Variants in ILRUN observed in about 807,000 individuals in gnomAD.
The protein encoded by ILRUN is inflammation and lipid regulator with UBA-like and NBR1-like domains.
A neutral mutation model predicts 33.8 loss-of-function variants in ILRUN; 3 were observed. The ratio of observed to expected loss-of-function variants is 0.09; its 90% CI spans 0.04 to 0.23. The LOEUF is 0.23. ILRUN is among the 10% of genes least tolerant of loss of function. The pLI is 1.00. For missense variants in ILRUN, 210 were observed against 375.1 expected, an observed-to-expected ratio of 0.56 and a Z score of 3.64; for synonymous variants, 124 against 138.9, an observed-to-expected ratio of 0.89 and a Z score of 0.75.
At chr6:34,614,576 CAG>C (rs1193521274) in intron 3 of ILRUN, among the ~76,000 whole-genome samples, 2 of 149,128 alleles carry the variant, frequency 1.3e-5, no homozygotes, top group East Asian at 3.9e-4. Context: ...AACTTCCTAA[CAG>C]AGGAATTCCA....
intron 1 of ILRUN, among the ~76,000 whole-genome samples, chr6:34,665,292 CAAAAAAA>C (rs60761039): frequency 2.2e-4 from 17 of 76,422 alleles, no homozygotes; most frequent in African/African-American, 3.6e-4. Context: ...CCCTTTTCTA[CAAAAAAA>C]AAAAAAAAAA....
intron 3 of ILRUN, among the ~76,000 whole-genome samples, chr6:34,621,864 A>AC (rs1562005998): frequency 6.6e-6 from 1 of 151,852 alleles, no homozygotes; most frequent in Non-Finnish European, 1.5e-5. Context: ...TCCAGCTCAA[A>AC]AAAAAAACTA....
At chr6:34,595,603 C>T in intron 4 of ILRUN, 1 of 254,532 alleles carries the variant, frequency 3.9e-6, no homozygotes, top group Non-Finnish European at 6.2e-6. Flanking sequence ...AAAAAGAAGG[C>T]TGAAATTCCT....
intron 4 of ILRUN, among the ~76,000 whole-genome samples, chr6:34,601,073 G>A (rs1429566098): frequency 6.6e-6 from 1 of 152,188 alleles, no homozygotes; most frequent in African/African-American, 2.4e-5. Flanking sequence ...TGCATGTCAA[G>A]CACTGAGCCT....
intron 4 of ILRUN, among the ~76,000 whole-genome samples, chr6:34,598,712 C>T (rs73409995): frequency 0.022 from 3,288 of 152,268 alleles, 122 homozygotes; most frequent in African/African-American, 0.072. Context: ...CCTGGAGATA[C>T]TTTTTATTCT....
In ILRUN at chr6:34,646,939, T is replaced by C; in HGVS notation, c.314-141A>G. The C allele has an allele frequency of 1.4e-6, 1 of 701,750 alleles. No homozygotes were observed. The highest frequency in any genetic ancestry group is 2.6e-5 in the East Asian group (1 of 38,176). 43.5% of individuals were successfully genotyped at this position (701,750 alleles called of 1,614,324 possible). A position where few individuals can be genotyped will look rare whatever the true frequency, so the allele number is the denominator to read the frequency against. On this transcript the variant is annotated intron_variant, in intron 2 of 4. Transcript: ENST00000374023. This position sits in a 1 kb window ranked among gnomAD's most constrained non-coding sequence, Gnocchi z 4.9. ...TAACCACATATACCTAAGCCATATA[T>C]TGTCTCACACAACTGATCAAAAGGA...
intron 1 of ILRUN, among the ~76,000 whole-genome samples, chr6:34,681,171 C>T (rs1763351503): frequency 6.6e-6 from 1 of 151,988 alleles, no homozygotes; most frequent in African/African-American, 2.4e-5. Flanking sequence ...TCATAAGAGG[C>T]TGACCTCTTA....
chr6:34,632,044 T>G (rs1762256641), intron 3 of ILRUN, among the ~76,000 whole-genome samples: 1 of 152,150 alleles, frequency 6.6e-6, no homozygotes, highest in Non-Finnish European at 1.5e-5. Context: ...GAGAAAAAAG[T>G]AGGTTACATA....
At chr6:34,682,831 T>G (rs1310128412) in intron 1 of ILRUN, among the ~76,000 whole-genome samples, 1 of 152,000 alleles carries the variant, frequency 6.6e-6, no homozygotes, top group Admixed American at 6.6e-5. Context: ...GATGATTGAG[T>G]GTTCACACTT....
chr6:34,673,548 T>C (rs1348267931), intron 1 of ILRUN, among the ~76,000 whole-genome samples: 1 of 152,130 alleles, frequency 6.6e-6, no homozygotes, highest in Non-Finnish European at 1.5e-5. Flanking sequence ...CAAGTGTTGA[T>C]AAACATTTAA....
intron 3 of ILRUN, among the ~76,000 whole-genome samples, chr6:34,616,291 T>G (rs1761890722): frequency 6.6e-6 from 1 of 152,158 alleles, no homozygotes; most frequent in Non-Finnish European, 1.5e-5. Context: ...GTTCAAATCC[T>G]TTAGGAAGAT....
chr6:34,691,160 T>C (rs929521814), intron 1 of ILRUN, among the ~76,000 whole-genome samples: 2 of 152,020 alleles, frequency 1.3e-5, no homozygotes, highest in African/African-American at 4.8e-5. Flanking sequence ...AGTGCTGGGA[T>C]TACAGGTGTG....
chr6:34,595,235 ACTTAT>A (rs759315862), intron 4 of ILRUN, among the ~76,000 whole-genome samples: 13 of 152,234 alleles, frequency 8.5e-5, no homozygotes, highest in Non-Finnish European at 1.5e-4. Flanking sequence ...TGTGGTTATC[ACTTAT>A]CTTATGTGAG....
In ILRUN at chr6:34,683,465, T is replaced by C. The variant is rs1048359539; in HGVS notation, c.158+12981A>G. ...ACATATATATATACATATATATACA[T>C]ATATATACACATATATATATACATA... is the stretch of plus-strand genomic sequence containing the variant. On this transcript the variant is annotated intron_variant, in intron 1 of 4. Coordinates refer to ENST00000374023, the MANE Select transcript of ILRUN (RefSeq NM_024294.4). 8.4e-4 allele frequency among the ~76,000 whole-genome samples: 86 copies of C among 102,118 alleles called. 1 individual carries two copies. The East Asian group carries it at 0.01, about 12-fold the overall frequency. The allele number at this position is 102,118 out of a possible 152,430, so 67.0% of individuals were successfully genotyped here. A position where few individuals can be genotyped will look rare whatever the true frequency, so the allele number is the denominator to read the frequency against.
chr6:34,608,435 T>C (rs1044120413), intron 3 of ILRUN, among the ~76,000 whole-genome samples: 32 of 151,980 alleles, frequency 2.1e-4, no homozygotes, highest in African/African-American at 7.5e-4. Flanking sequence ...TAGTAAAATA[T>C]ATGATATGAA....
intron 1 of ILRUN, among the ~76,000 whole-genome samples, chr6:34,691,982 G>T (rs186844966): frequency 1.7e-4 from 26 of 152,080 alleles, no homozygotes; most frequent in Non-Finnish European, 3.4e-4. Context: ...TTTTATTTTT[G>T]AGACAGGGTC....
intron 3 of ILRUN, among the ~76,000 whole-genome samples, chr6:34,612,196 T>G (rs1329878004): frequency 1.3e-5 from 2 of 152,164 alleles, no homozygotes; most frequent in African/African-American, 4.8e-5. Context: ...AGCAGACTGC[T>G]TGAACTCAGG....
chr6:34,644,245 A>C (rs1048014153), intron 3 of ILRUN, among the ~76,000 whole-genome samples: 1 of 152,052 alleles, frequency 6.6e-6, no homozygotes, highest in African/African-American at 2.4e-5. Flanking sequence ...TTTTATTTTT[A>C]AGTCATGTAT....
intron 2 of ILRUN, among the ~76,000 whole-genome samples, chr6:34,653,162 G>GAAAA (rs1762704312): frequency 7.0e-6 from 1 of 143,144 alleles, no homozygotes; most frequent in African/African-American, 2.6e-5. Context: ...GAAAAAGAAA[G>GAAAA]AAAGAAAGAA....
Sources: allele counts gnomAD v4.1 joint callset (sites outside exome capture counted in the v4.1 genomes callset), GRCh38; gene constraint gnomAD v4.1.1; non-coding constraint Gnocchi (gnomAD v3.1); transcripts MANE v1.5; gene names NCBI Gene and HGNC (gene_info 2026-07-23, HGNC 2026-07-21).